SCAI: variants seen among roughly 807,000 people sequenced by gnomAD.
The protein encoded by SCAI is protein SCAI.
A neutral mutation model predicts 92.2 loss-of-function variants in SCAI; 24 were observed. The ratio of observed to expected loss-of-function variants is 0.26; its 90% CI spans 0.19 to 0.37. The LOEUF (loss-of-function observed/expected upper bound fraction) is 0.37. Among genes scored for constraint, SCAI ranks in the 10% least tolerant of loss-of-function variants. The probability of loss-of-function intolerance (pLI) is 1.00; values close to 1 mark genes in which losing one functional copy is unlikely to be tolerated. For missense variants in SCAI, 450 were observed against 736.2 expected (o/e 0.61, Z 4.50); for synonymous variants, 261 against 258.6 (o/e 1.01, Z -0.09).
intron 2 of SCAI, among the ~76,000 whole-genome samples, chr9:125,077,966 C>CG (rs1834128600): frequency 6.6e-6 from 1 of 151,876 alleles, no homozygotes; most frequent in Non-Finnish European, 1.5e-5. Flanking sequence ...TGATCCACAC[C>CG]CCCCCCGCCT....
intron 3 of SCAI, among the ~76,000 whole-genome samples, chr9:125,032,193 ATAT>A (rs1564386272): frequency 3.7e-5 from 4 of 108,932 alleles, no homozygotes; most frequent in South Asian, 5.8e-4. Context: ...ATATATATAT[ATAT>A]TTTTTTTTTT....
chr9:124,966,268 C>T (rs1416064797), intron 17 of SCAI, among the ~76,000 whole-genome samples: 4 of 147,652 alleles, frequency 2.7e-5, no homozygotes, highest in African/African-American at 7.5e-5. Context: ...TGATGTTCCC[C>T]TTCCTGTGTC....
intron 3 of SCAI, among the ~76,000 whole-genome samples, chr9:125,042,656 CACACACACACAT>C (rs1429855692): frequency 7.0e-5 from 10 of 143,040 alleles, no homozygotes; most frequent in South Asian, 2.2e-4. Flanking sequence ...CACACACACA[CACACACACACAT>C]ATACAAAAAG....
chr9:125,105,820 C>T (rs940422526), intron 2 of SCAI, among the ~76,000 whole-genome samples: 14 of 151,764 alleles, frequency 9.2e-5, no homozygotes, highest in Non-Finnish European at 1.9e-4. Context: ...TATAGTTGGC[C>T]GGGCGCGGTG....
intron 3 of SCAI, among the ~76,000 whole-genome samples, chr9:125,049,936 T>A (rs1385812546): frequency 6.6e-6 from 1 of 152,200 alleles, no homozygotes; most frequent in Non-Finnish European, 1.5e-5. Context: ...GTCACATGGA[T>A]GTATTCAGTT....
At chr9:125,096,285 A>G (rs1834550366) in intron 2 of SCAI, among the ~76,000 whole-genome samples, 3 of 152,114 alleles carry the variant, frequency 2.0e-5, no homozygotes, top group Admixed American at 2.0e-4. Flanking sequence ...ATCTCGTGAG[A>G]CTTATTCACT....
chr9:125,135,969 A>C, intron 2 of SCAI, among the ~76,000 whole-genome samples: 1 of 146,462 alleles, frequency 6.8e-6, no homozygotes, highest in Non-Finnish European at 1.5e-5. Flanking sequence ...CTCCATCTCA[A>C]ACAAAAAAAA....
chr9:124,995,271 A>C (rs902091931), intron 13 of SCAI, among the ~76,000 whole-genome samples: 1 of 152,170 alleles, frequency 6.6e-6, no homozygotes, highest in Non-Finnish European at 1.5e-5. Flanking sequence ...GTATTTAAAG[A>C]TGACTAAACA....
rs1831098631 is a variant in SCAI, at chr9:124,943,855, T to TTCTTAGC, written c.*8951_*8952insGCTAAGA. ...AGGAAATAATAAAGTGTCCTGAAAT[T>TTCTTAGC]ACAATAATTCTTAGCACAAAGTAAA... On this transcript the variant is annotated 3_prime_UTR_variant, in exon 18 of 18. Transcript: ENST00000336505. 2.6e-5 allele frequency: 4 copies of TTCTTAGC among 152,206 alleles called. No individual in the cohort carries two copies. Among genetic ancestry groups the TTCTTAGC allele is most frequent in the Non-Finnish European group, 5.9e-5 (4 of 68,032 alleles). The allele number at this position is 152,206 out of a possible 1,614,324, so 9.4% of individuals were successfully genotyped here.
intron 9 of SCAI, among the ~76,000 whole-genome samples, chr9:125,007,752 G>C (rs561633995): frequency 2.4e-4 from 37 of 152,134 alleles, no homozygotes; most frequent in Admixed American, 7.9e-4. Context: ...TGACTTCCCG[G>C]GCTCAAGTGA....
intron 12 of SCAI, among the ~76,000 whole-genome samples, chr9:125,000,507 C>T (rs574511476): frequency 2.0e-5 from 3 of 151,822 alleles, no homozygotes; most frequent in African/African-American, 2.4e-5. Flanking sequence ...AAAAATTAGC[C>T]GAGCATGGTG....
chr9:125,128,324 T>C (rs983444674), intron 2 of SCAI, among the ~76,000 whole-genome samples: 1 of 151,442 alleles, frequency 6.6e-6, no homozygotes, highest in East Asian at 2.0e-4. Flanking sequence ...CTCTAAAATG[T>C]ATACGGGTAA....
rs569869808 is a variant in SCAI, at chr9:125,029,281, C to A, written c.326+363G>T. 9.7e-4 allele frequency among the ~76,000 whole-genome samples: 147 copies of A among 152,084 alleles called. 5 individuals are homozygous for A. The South Asian group carries it at 0.03, about 31-fold the overall frequency. ...GGATTACAGCTGAGCACCACCACAC[C>A]TGGCTAATTTTTGTGTATTTTGTAG... On this transcript the variant is annotated intron_variant, in intron 4 of 17. Coordinates refer to ENST00000336505, the MANE Select transcript of SCAI (RefSeq NM_001144877.3).
rs201327064 is a variant in SCAI at position 125,142,653 on chromosome 9, C to A, written c.78G>T (p.Pro26=). The A allele has an allele frequency of 1.4e-4, 219 of 1,613,916 alleles. No individual in the cohort carries two copies. In the East Asian group the frequency reaches 3.5e-3, roughly 26 times the overall value. ...CTTACCTGCTTCTCCGTTTTCGAGG[C>A]GGTTTCTCCACTGTGCCAGTCAGTC... ...APRLTGTVEK[P]PRKRRSRTEF... Residue 26 remains proline, a synonymous_variant, in exon 2 of 18, where the codon CCG becomes CCT. Transcript: ENST00000336505.
Position 125,000,006 on chromosome 9 carries a change from G to C in SCAI, c.1145-16C>G. On this transcript the variant is annotated splice_polypyrimidine_tract_variant and intron_variant, in intron 12 of 17. Coordinates refer to ENST00000336505, the MANE Select transcript of SCAI (RefSeq NM_001144877.3). Reference sequence around the variant, plus strand: ...TCATAAGGACCTATAAAAACAAAGGGAAGAATCCTAGACTTCAGTTGAAGA... The same window carrying C: ...TCATAAGGACCTATAAAAACAAAGGCAAGAATCCTAGACTTCAGTTGAAGA... The C allele has an allele frequency of 7.6e-7, 1 of 1,314,992 alleles. No individual in the cohort carries two copies. The highest frequency in any genetic ancestry group is 1.1e-6 in the Non-Finnish European group (1 of 931,500). 81.5% of individuals were successfully genotyped at this position (1,314,992 alleles called of 1,614,324 possible). A position where few individuals can be genotyped will look rare whatever the true frequency, so the allele number is the denominator to read the frequency against.
At position 125,072,022 on chromosome 9, in the gene SCAI, G is replaced by T. The variant is rs1440267651; in HGVS notation, c.99-16015C>A. 2.1e-5 allele frequency among the ~76,000 whole-genome samples: 3 copies of T among 140,238 alleles called. No individual in the cohort carries two copies. In the Admixed American group the frequency reaches 2.3e-4, roughly 11 times the overall value. The allele number at this position is 140,238 out of a possible 152,430, so 92.0% of individuals were successfully genotyped here. On this transcript the variant is annotated intron_variant, in intron 2 of 17. Coordinates refer to ENST00000336505, the MANE Select transcript of SCAI (RefSeq NM_001144877.3). ...AGAGGGCAAGAGACAGGGGATAGTAGATAGTCTTTTTTTTTTTTTTCTGAG... is the reference window on the plus strand; with the variant it reads ...AGAGGGCAAGAGACAGGGGATAGTATATAGTCTTTTTTTTTTTTTTCTGAG...
intron 2 of SCAI, among the ~76,000 whole-genome samples, chr9:125,115,021 C>A (rs1411798528): frequency 1.3e-5 from 2 of 152,016 alleles, no homozygotes; most frequent in East Asian, 3.9e-4. Flanking sequence ...GATCTGTCCA[C>A]CTCAGCTTCC....
chr9:124,986,949 G>A (rs1396603481), intron 14 of SCAI, among the ~76,000 whole-genome samples: 3 of 152,198 alleles, frequency 2.0e-5, no homozygotes, highest in African/African-American at 7.2e-5. Flanking sequence ...CAGGGATCCA[G>A]CTAGCTCTGT....
intron 2 of SCAI, among the ~76,000 whole-genome samples, chr9:125,134,290 T>C (rs1382011489): frequency 2.6e-5 from 4 of 152,198 alleles, no homozygotes; most frequent in African/African-American, 9.6e-5. Flanking sequence ...TAAACCTTTG[T>C]ATATATACAA....
Sources: gnomAD v4.1 joint callset for allele counts (sites outside exome capture counted in the v4.1 genomes callset) on GRCh38, gnomAD v4.1.1 for gene constraint, MANE v1.5 for transcripts, NCBI Gene and HGNC (gene_info 2026-07-23, HGNC 2026-07-21) for gene names.